The following CNTN5 variants were observed in gnomAD, a reference collection of about 807,000 sequenced individuals.
The protein encoded by CNTN5 is contactin 5.
A neutral mutation model predicts 129.1 loss-of-function variants in CNTN5; 77 were observed. The observed-to-expected ratio is 0.60, with a 90% CI of 0.50 to 0.72. The LOEUF (loss-of-function observed/expected upper bound fraction) is 0.72, where lower values mean the gene tolerates loss of function less well. CNTN5 is among the 30% of genes least tolerant of loss of function. The pLI is 0.00. For synonymous variants in CNTN5, 509 were observed against 465.6 expected, an observed-to-expected ratio of 1.09 and a Z score of -1.20; for missense variants, 1,478 against 1,328.8, an observed-to-expected ratio of 1.11 and a Z score of -1.75.
intron 2 of CNTN5, among the ~76,000 whole-genome samples, chr11:99,342,501 G>A (rs1324319157): frequency 6.8e-6 from 1 of 146,834 alleles, no homozygotes; most frequent in Admixed American, 7.0e-5. Flanking sequence ...TTGGGAGGCC[G>A]AGGTTGGTGG....
intron 8 of CNTN5, among the ~76,000 whole-genome samples, chr11:99,989,204 T>C (rs1938891077): frequency 6.6e-6 from 1 of 152,206 alleles, no homozygotes; most frequent in Non-Finnish European, 1.5e-5. Context: ...TATTCAGAGA[T>C]CTTCAAATAA....
At chr11:99,621,183 A>G (rs932356237) in intron 3 of CNTN5, among the ~76,000 whole-genome samples, 5 of 152,198 alleles carry the variant, frequency 3.3e-5, no homozygotes, top group African/African-American at 1.2e-4. Flanking sequence ...AGTCATGGCC[A>G]GTGATGAAAG....
rs1338337998 is a variant in CNTN5 at position 99,166,513 on chromosome 11, A to AAAAC, written c.-210+145247_-210+145250dup. 3.3e-5 allele frequency among the ~76,000 whole-genome samples: 5 copies of AAAAC among 152,266 alleles called. No homozygotes were observed. The East Asian group carries it at 9.6e-4, about 29-fold the overall frequency. On this transcript the variant is annotated intron_variant, in intron 1 of 24. Coordinates refer to ENST00000524871, the MANE Select transcript of CNTN5 (RefSeq NM_014361.4). Reference sequence around the variant, plus strand: ...AGGAAAGGAGTTCCAGTACTAAGCCAAAACAAAAAAATTGTGTACTAAATG... The same window carrying AAAAC: ...AGGAAAGGAGTTCCAGTACTAAGCCAAAACAAACAAAAAAATTGTGTACTAAATG...
At chr11:100,245,644 A>T (rs1369962593) in intron 16 of CNTN5, among the ~76,000 whole-genome samples, 1 of 152,158 alleles carries the variant, frequency 6.6e-6, no homozygotes, top group Non-Finnish European at 1.5e-5. Flanking sequence ...AATCAATAAA[A>T]ATATTATTTG....
intron 2 of CNTN5, among the ~76,000 whole-genome samples, chr11:99,534,607 T>C (rs1000149772): frequency 2.0e-5 from 3 of 152,170 alleles, no homozygotes; most frequent in African/African-American, 7.2e-5. Context: ...TGTTGGTGTA[T>C]TTAGAGAATG....
chr11:99,987,121 C>G (rs753403418), intron 8 of CNTN5, among the ~76,000 whole-genome samples: 10 of 151,912 alleles, frequency 6.6e-5, no homozygotes, highest in Non-Finnish European at 1.3e-4. Context: ...ATGAAATATT[C>G]CCTAGCTCCT....
At chr11:100,283,181 G>A (rs1950678704) in intron 18 of CNTN5, among the ~76,000 whole-genome samples, 1 of 152,178 alleles carries the variant, frequency 6.6e-6, no homozygotes, top group Non-Finnish European at 1.5e-5. Context: ...CTTCAAGGTA[G>A]TGGGTTCCTT....
intron 13 of CNTN5, among the ~76,000 whole-genome samples, chr11:100,175,831 G>A (rs982416814): frequency 3.3e-5 from 5 of 152,024 alleles, no homozygotes; most frequent in African/African-American, 1.2e-4. Flanking sequence ...CACATGAGGT[G>A]ATCCGTAAAT....
rs191923280 is a variant in CNTN5, at chr11:99,905,823, T to C, written c.578-10231T>C. On this transcript the variant is annotated intron_variant, in intron 6 of 24. Coordinates refer to ENST00000524871, the MANE Select transcript of CNTN5 (RefSeq NM_014361.4). ...TGTCCTCTGTTATTTCCTTGAGCAG[T>C]AGTTTGCAGTTTTCCTTGAAACGGT... is the stretch of plus-strand genomic sequence containing the variant. Among the ~76,000 whole-genome samples the C allele has an allele frequency of 3.1e-3, 475 of 152,298 alleles. 1 individual carries two copies. The highest frequency in any genetic ancestry group is 0.011 in the African/African-American group (441 of 41,572).
At chr11:99,256,363 C>T (rs1168859070) in intron 1 of CNTN5, among the ~76,000 whole-genome samples, 1 of 151,820 alleles carries the variant, frequency 6.6e-6, no homozygotes, top group Admixed American at 6.6e-5. Flanking sequence ...TTGAAAGAGC[C>T]CTGCAGCTGT....
chr11:100,326,015 TTC>T (rs1447464060), intron 21 of CNTN5, among the ~76,000 whole-genome samples: 1 of 152,168 alleles, frequency 6.6e-6, no homozygotes, highest in Non-Finnish European at 1.5e-5. Flanking sequence ...ACGAGAATAG[TTC>T]TTTTATATTT....
chr11:100,226,294 T>C (rs1027524184), intron 16 of CNTN5, among the ~76,000 whole-genome samples: 1 of 152,128 alleles, frequency 6.6e-6, no homozygotes, highest in African/African-American at 2.4e-5. Context: ...TGTCTGCACT[T>C]GCCTAGTAAT....
chr11:100,019,981 T>A (rs893126244), intron 9 of CNTN5, among the ~76,000 whole-genome samples: 18 of 152,030 alleles, frequency 1.2e-4, no homozygotes, highest in African/African-American at 2.7e-4. Context: ...GCTCATTTTC[T>A]CATGAAGTTA....
At chr11:99,489,633 T>C (rs1945956975) in intron 2 of CNTN5, among the ~76,000 whole-genome samples, 1 of 152,224 alleles carries the variant, frequency 6.6e-6, no homozygotes, top group Non-Finnish European at 1.5e-5. Context: ...GTCTATGTAT[T>C]ATTTTAACAT....
intron 13 of CNTN5, among the ~76,000 whole-genome samples, chr11:100,138,660 A>G (rs1314030418): frequency 6.6e-6 from 1 of 152,032 alleles, no homozygotes; most frequent in Admixed American, 6.6e-5. Flanking sequence ...GGAGGACAGA[A>G]TGTGTGAGGT....
chr11:100,158,255 G>A (rs1409070330), intron 13 of CNTN5, among the ~76,000 whole-genome samples: 1 of 151,826 alleles, frequency 6.6e-6, no homozygotes, highest in East Asian at 1.9e-4. Flanking sequence ...TGGAAATGGA[G>A]AGTTGTTGGT....
intron 13 of CNTN5, among the ~76,000 whole-genome samples, chr11:100,074,934 T>C (rs559194688): frequency 3.0e-4 from 46 of 152,248 alleles, no homozygotes; most frequent in African/African-American, 1.0e-3. Flanking sequence ...TGTACCAAAT[T>C]CAAATGTTCC....
chr11:99,883,446 C>G (rs1229971087), intron 6 of CNTN5, among the ~76,000 whole-genome samples: 4 of 152,106 alleles, frequency 2.6e-5, no homozygotes, highest in Non-Finnish European at 5.9e-5. Flanking sequence ...GTAGTTTTGA[C>G]TTGGATTTCT....
chr11:99,349,611 C>T (rs961676634), intron 2 of CNTN5, among the ~76,000 whole-genome samples: 1 of 152,092 alleles, frequency 6.6e-6, no homozygotes, highest in African/African-American at 2.4e-5. Context: ...GAATTGAACA[C>T]TTGGAATGAC....
Sources: allele counts gnomAD v4.1 joint callset (sites outside exome capture counted in the v4.1 genomes callset), GRCh38; gene constraint gnomAD v4.1.1; transcripts MANE v1.5; gene names NCBI Gene and HGNC (gene_info 2026-07-23, HGNC 2026-07-21).